Variants in MAP2K5 observed in about 807,000 individuals in gnomAD.
MAP2K5 encodes the protein mitogen-activated protein kinase kinase 5.
Under a neutral mutation model 83.1 loss-of-function variants are expected in MAP2K5, and 49 were observed. The ratio of observed to expected loss-of-function variants is 0.59; its 90% CI spans 0.47 to 0.75. The LOEUF (loss-of-function observed/expected upper bound fraction) is 0.75. Ranked by LOEUF, MAP2K5 falls within the 30% of genes least tolerant of loss-of-function variation. The probability of loss-of-function intolerance (pLI) is 0.00; values close to 1 mark genes in which losing one functional copy is unlikely to be tolerated. For synonymous variants in MAP2K5, 202 were observed against 191.8 expected (o/e 1.05, Z -0.44); for missense variants, 457 against 557.5 (o/e 0.82, Z 1.82).
chr15:67,733,332 T>G (rs1419592027), intron 17 of MAP2K5, among the ~76,000 whole-genome samples: 1 of 152,218 alleles, frequency 6.6e-6, no homozygotes, highest in African/African-American at 2.4e-5. Context: ...GCAAGCAAGA[T>G]ATTCTTGTAA....
chr15:67,575,070 T>C (rs1269371042), intron 3 of MAP2K5, among the ~76,000 whole-genome samples: 1 of 152,008 alleles, frequency 6.6e-6, no homozygotes, highest in Non-Finnish European at 1.5e-5. Flanking sequence ...GAAATCAGTT[T>C]TGGACCTGTT....
At position 67,724,754 on chromosome 15, in the gene MAP2K5, C is replaced by A. The variant is rs1225470338; in HGVS notation, c.1045-3162C>A. On this transcript the variant is annotated intron_variant, in intron 16 of 21. Transcript: ENST00000178640. This position sits in a 1 kb window ranked among gnomAD's most constrained non-coding sequence, Gnocchi z 4.4. ...TTAGACCTAGAGGGATAGAGGCATACATAGAAGGCAGCGGTCCTCTCCTGG... is the reference window on the plus strand; with the variant it reads ...TTAGACCTAGAGGGATAGAGGCATAAATAGAAGGCAGCGGTCCTCTCCTGG... Among the ~76,000 whole-genome samples the A allele has an allele frequency of 6.6e-6, 1 of 152,162 alleles. No individual in the cohort carries two copies. The highest frequency in any genetic ancestry group is 1.5e-5 in the Non-Finnish European group (1 of 68,034).
chr15:67,548,945 T>G (rs1003397544), intron 1 of MAP2K5: 2 of 1,114,190 alleles, frequency 1.8e-6, no homozygotes, highest in East Asian at 5.5e-5. Context: ...GAGGCAAGAC[T>G]ATTATGCAAA....
At chr15:67,571,689 G>A (rs1287520259) in intron 3 of MAP2K5, among the ~76,000 whole-genome samples, 6 of 151,894 alleles carry the variant, frequency 4.0e-5, no homozygotes, top group Admixed American at 3.9e-4. Context: ...AGATCAGCAA[G>A]GCAGGTTTTT....
chr15:67,666,727 A>G (rs1008905722), intron 13 of MAP2K5, among the ~76,000 whole-genome samples: 2 of 152,272 alleles, frequency 1.3e-5, no homozygotes, highest in East Asian at 3.9e-4. Context: ...GGCCAGCCCA[A>G]TTCCTACAGA....
At chr15:67,728,958 C>G (rs150969090) in intron 17 of MAP2K5, among the ~76,000 whole-genome samples, 2 of 152,304 alleles carry the variant, frequency 1.3e-5, no homozygotes, top group East Asian at 3.9e-4. Context: ...CTTTCGTATT[C>G]TTTTGCTTTC....
At chr15:67,682,791 C>T (rs1045941833) in intron 13 of MAP2K5, among the ~76,000 whole-genome samples, 1 of 151,474 alleles carries the variant, frequency 6.6e-6, no homozygotes, top group African/African-American at 2.4e-5. Flanking sequence ...TGAGATCCCA[C>T]CACTGCACTC....
Position 67,786,720 on chromosome 15 carries a change from C to T in MAP2K5, c.1242+13968C>T, listed in dbSNP as rs1306065376. ...CCTCTCCTAGCTGTCCATCCTGCAA[C>T]ATGTTACTGAACGCTCTCCACCTCT... On this transcript the variant is annotated intron_variant, in intron 21 of 21. Transcript: ENST00000178640. The surrounding 1 kb of genome is among the most constrained non-coding windows in gnomAD (Gnocchi z 4.7). Among the ~76,000 whole-genome samples the T allele has an allele frequency of 2.6e-5, 4 of 152,202 alleles. No individual in the cohort carries two copies. The highest frequency in any genetic ancestry group is 7.2e-5 in the African/African-American group (3 of 41,448).
chr15:67,576,064 ACAC>A lies in MAP2K5; in HGVS notation c.253-4683_253-4681del, dbSNP rs1221370900. 1.8e-4 allele frequency among the ~76,000 whole-genome samples: 26 copies of A among 144,994 alleles called. 2 individuals carry two copies. Among genetic ancestry groups the A allele is most frequent in the African/African-American group, 6.2e-4 (25 of 40,004 alleles). ...CCTGAGTAGCTGGGATTACAGGTGC[ACAC>A]CACCACGCCTGGCTAATTTTTATAT... is the stretch of plus-strand genomic sequence containing the variant. On this transcript the variant is annotated intron_variant, in intron 3 of 21. Coordinates refer to ENST00000178640, the MANE Select transcript of MAP2K5 (RefSeq NM_145160.3).
intron 8 of MAP2K5, among the ~76,000 whole-genome samples, chr15:67,613,452 G>A (rs1301170259): frequency 2.0e-5 from 3 of 152,102 alleles, no homozygotes; most frequent in Non-Finnish European, 4.4e-5. Flanking sequence ...CCAGCTGTTT[G>A]GGATATATCT....
rs764988559 is a variant in MAP2K5 at position 67,585,981 on chromosome 15, G to T, written c.363+51G>T. 6 of 1,472,110 alleles carry T rather than the reference G, an allele frequency of 4.1e-6. No individual in the cohort carries two copies. The African/African-American group carries it at 6.9e-5, about 17-fold the overall frequency. The allele number at this position is 1,472,110 out of a possible 1,614,324, so 91.2% of individuals were successfully genotyped here. On this transcript the variant is annotated intron_variant, in intron 5 of 21. Coordinates refer to ENST00000178640, the MANE Select transcript of MAP2K5 (RefSeq NM_145160.3). The stretch of plus-strand genomic sequence containing the variant: ...TAAAGTTAGATGGATTTGTAATGCT[G>T]TGTTCCACTTATTGAAATGTCAAAT...
At chr15:67,673,305 T>C (rs2087594687) in intron 13 of MAP2K5, among the ~76,000 whole-genome samples, 1 of 152,134 alleles carries the variant, frequency 6.6e-6, no homozygotes, top group African/African-American at 2.4e-5. Context: ...AAGGAAGGAA[T>C]TTTGAAGAAA....
At chr15:67,728,857 C>T (rs1307607592) in intron 17 of MAP2K5, among the ~76,000 whole-genome samples, 1 of 152,218 alleles carries the variant, frequency 6.6e-6, no homozygotes, top group African/African-American at 2.4e-5. Context: ...GGATGGGGCT[C>T]ATTCTCTCTA....
chr15:67,782,111 T>C lies in MAP2K5; in HGVS notation c.1242+9359T>C, dbSNP rs1344802092. 6.6e-6 allele frequency among the ~76,000 whole-genome samples: 1 copy of C among 152,216 alleles called. No homozygotes were observed. The highest frequency in any genetic ancestry group is 1.5e-5 in the Non-Finnish European group (1 of 68,040). Reference sequence around the variant, plus strand: ...GTGGAAGAGCCTTTTAGCACCTTTGTTGTAGCCATCCCTGGTGATGATTGG... The same window carrying C: ...GTGGAAGAGCCTTTTAGCACCTTTGCTGTAGCCATCCCTGGTGATGATTGG... On this transcript the variant is annotated intron_variant, in intron 21 of 21. Transcript: ENST00000178640. This position sits in a 1 kb window ranked among gnomAD's most constrained non-coding sequence, Gnocchi z 4.9.
At chr15:67,695,579 A>C (rs1475962236) in intron 15 of MAP2K5, among the ~76,000 whole-genome samples, 3 of 152,200 alleles carry the variant, frequency 2.0e-5, no homozygotes, top group Admixed American at 1.3e-4. Context: ...TCTTTGAAAG[A>C]ATATGAAACA....
At chr15:67,800,256 A>G (rs373348038) in intron 21 of MAP2K5, among the ~76,000 whole-genome samples, 4 of 152,184 alleles carry the variant, frequency 2.6e-5, no homozygotes, top group African/African-American at 7.2e-5. Context: ...TTAACAGTGG[A>G]ACATGTTTTA....
intron 8 of MAP2K5, among the ~76,000 whole-genome samples, chr15:67,626,669 T>A (rs993316450): frequency 5.9e-5 from 9 of 151,732 alleles, no homozygotes; most frequent in Non-Finnish European, 1.2e-4. Context: ...GAGGTCAAGG[T>A]GGGAGGATCG....
chr15:67,640,228 A>C lies in MAP2K5; in HGVS notation c.586-6003A>C, dbSNP rs573561833. On this transcript the variant is annotated intron_variant, in intron 9 of 21. Transcript: ENST00000178640. This position sits in a 1 kb window ranked among gnomAD's most constrained non-coding sequence, Gnocchi z 4.6. ...AATTTGTTGAGTGACTGAGTGAATA[A>C]ATTTTTGTTCTTCTGTTTGTTCTTT... is the stretch of plus-strand genomic sequence containing the variant. Among the ~76,000 whole-genome samples the C allele has an allele frequency of 3.3e-5, 5 of 152,298 alleles. No homozygotes were observed. Among genetic ancestry groups the C allele is most frequent in the African/African-American group, 9.6e-5 (4 of 41,566 alleles).
At chr15:67,766,737 C>A (rs1217072334) in intron 19 of MAP2K5, among the ~76,000 whole-genome samples, 1 of 152,184 alleles carries the variant, frequency 6.6e-6, no homozygotes, top group Non-Finnish European at 1.5e-5. Context: ...AGTGTACTGT[C>A]AAGTCCTGCA....
Sources: gnomAD v4.1 joint callset for allele counts (sites outside exome capture counted in the v4.1 genomes callset) on GRCh38, gnomAD v4.1.1 for gene constraint, Gnocchi (gnomAD v3.1) non-coding constraint, MANE v1.5 for transcripts, NCBI Gene and HGNC (gene_info 2026-07-23, HGNC 2026-07-21) for gene names.